MGAM2: variants seen among roughly 807,000 people sequenced by gnomAD.
MGAM2 encodes maltase-glucoamylase 2 (putative).
Under a neutral mutation model 96.1 loss-of-function variants are expected in MGAM2, and 98 were observed. The observed-to-expected ratio is 1.02, with a 90% confidence interval of 0.87 to 1.21. The LOEUF is 1.21. MGAM2 is among the 50% of genes most tolerant of loss of function. The probability of loss-of-function intolerance (pLI) is 0.00; values close to 1 mark genes in which losing one functional copy is unlikely to be tolerated. For missense variants in MGAM2, 2,055 were observed against 1,182.4 expected (o/e 1.74, Z -10.82); for synonymous variants, 749 against 414.8 (o/e 1.81, Z -9.79).
chr7:142,158,166 G>T, intron 18 of MGAM2, 75 bp downstream of exon 18: 1 of 700,524 alleles, frequency 1.4e-6, no homozygotes, highest in South Asian at 1.5e-5. Context: ...AGCAAGGTTA[G>T]TTAGGATCTT....
chr7:142,170,336 T>G, intron 27 of MGAM2, 107 bp downstream of exon 27: 1 of 522,882 alleles, frequency 1.9e-6, no homozygotes. Context: ...TGGAAATAGG[T>G]GTGCATTTGT....
At position 142,169,740 on chromosome 7, in the gene MGAM2, A is replaced by C. The variant is rs568113839; in HGVS notation, c.3028-335A>C. 3.9e-5 allele frequency among the ~76,000 whole-genome samples: 6 copies of C among 152,284 alleles called. No individual in the cohort carries two copies. In the South Asian group the frequency reaches 1.2e-3, roughly 32 times the overall value. ...TGCACACACACACACACAAATTTACACATTTCTATGCACATACATGTCTGC... is the reference window on the plus strand; with the variant it reads ...TGCACACACACACACACAAATTTACCCATTTCTATGCACATACATGTCTGC... On this transcript the variant is annotated intron_variant, in intron 26 of 47. Transcript: ENST00000477922.
intron 25 of MGAM2, among the ~76,000 whole-genome samples, chr7:142,166,566 G>A (rs2129088382): frequency 6.6e-6 from 1 of 152,240 alleles, no homozygotes; most frequent in African/African-American, 2.4e-5. Flanking sequence ...AAGCAGGAAG[G>A]GTAAGGTCAG....
At chr7:142,112,399 T>A (rs978069689) in intron 1 of MGAM2, among the ~76,000 whole-genome samples, 1 of 152,160 alleles carries the variant, frequency 6.6e-6, no homozygotes, top group Non-Finnish European at 1.5e-5. Context: ...CTGCTGCTGA[T>A]TTTTAGAAGC....
rs1450133491 is a variant in MGAM2 at position 142,161,163 on chromosome 7, A to G, written c.2384A>G (p.Tyr795Cys). Residue 795 changes from tyrosine (Y) to cysteine (C), a missense_variant, in exon 22 of 48, where the codon TAT becomes TGT. Tyr to Cys is a radical substitution (Grantham distance 194). Coordinates refer to ENST00000477922, the MANE Select transcript of MGAM2 (RefSeq NM_001293626.2). The stretch of plus-strand genomic sequence containing the variant: ...CTGGGACTCATCATCGCCTTGGACT[A>G]TAAGAGAGAAGCAAAGGGGGAGCTG... ...NSLGLIIALD[Y>C]KREAKGELYW... is the part of the protein sequence containing the mutation. The G allele has an allele frequency of 1.4e-5, 10 of 702,806 alleles. No individual in the cohort carries two copies. Among genetic ancestry groups the G allele is most frequent in the Non-Finnish European group, 2.1e-5 (8 of 384,838 alleles). 43.5% of individuals were successfully genotyped at this position (702,806 alleles called of 1,614,324 possible).
chr7:142,117,290 G>A (rs1217487578), intron 2 of MGAM2, among the ~76,000 whole-genome samples: 2 of 151,988 alleles, frequency 1.3e-5, no homozygotes, highest in East Asian at 3.9e-4. Flanking sequence ...CAATGAGAAA[G>A]GACTGTTAAG....
At chr7:142,159,258 A>T in intron 19 of MGAM2, 29 bp from the exon 20 acceptor site, 1 of 701,202 alleles carries the variant, frequency 1.4e-6, no homozygotes, top group Non-Finnish European at 2.6e-6. Flanking sequence ...GGGGTATGCT[A>T]ATGCTACTCA....
At position 142,192,726 on chromosome 7, in the gene MGAM2, C is replaced by A. The variant is rs78201351; in HGVS notation, c.4346+3221C>A. ...TCAGGGAAATTTGCTTTTCACACAT[C>A]TGCATCCCATCGCCATCTTTCTCTT... On this transcript the variant is annotated intron_variant, in intron 37 of 47. Transcript: ENST00000477922. Among the ~76,000 whole-genome samples, 728 of 152,298 alleles carry A rather than the reference C, an allele frequency of 4.8e-3. 11 individuals carry two copies. In the East Asian group the frequency reaches 0.069, roughly 15 times the overall value.
intron 33 of MGAM2, among the ~76,000 whole-genome samples, chr7:142,184,371 A>G (rs1353633988): frequency 2.0e-5 from 3 of 152,156 alleles, no homozygotes; most frequent in Admixed American, 6.6e-5. Flanking sequence ...GTTAGTAACT[A>G]TTTTAGTTTT....
chr7:142,139,440 A>G (rs1392141059), intron 10 of MGAM2, among the ~76,000 whole-genome samples: 1 of 152,020 alleles, frequency 6.6e-6, no homozygotes, highest in African/African-American at 2.4e-5. Context: ...CGGGCAGATC[A>G]CTTGAGGTCA....
intron 45 of MGAM2, among the ~76,000 whole-genome samples, chr7:142,206,510 C>A (rs1355750330): frequency 6.6e-6 from 1 of 152,082 alleles, no homozygotes; most frequent in African/African-American, 2.4e-5. Context: ...TCCTTTGATA[C>A]AGGTTTAGCT....
intron 34 of MGAM2, 101 bp downstream of exon 34, chr7:142,185,240 C>T (rs188197592): frequency 1.6e-6 from 1 of 621,804 alleles, no homozygotes; most frequent in Non-Finnish European, 2.9e-6. Context: ...GTTAAGTAGC[C>T]CTAACTTGAG....
At chr7:142,132,269 A>G (rs1247735876) in intron 6 of MGAM2, among the ~76,000 whole-genome samples, 184 bp downstream of exon 6, 1 of 150,176 alleles carries the variant, frequency 6.7e-6, no homozygotes, top group Non-Finnish European at 1.5e-5. Context: ...AACAGAGAAT[A>G]CTAAAAGGTA....
chr7:142,123,633 C>A (rs886400496), intron 3 of MGAM2, among the ~76,000 whole-genome samples: 5 of 151,856 alleles, frequency 3.3e-5, no homozygotes, highest in Admixed American at 1.3e-4. Flanking sequence ...CTGAACTGTT[C>A]ATCTTTTTTA....
At chr7:142,154,874 CTTT>C in intron 17 of MGAM2, 29 bp downstream of exon 17, 1 of 702,122 alleles carries the variant, frequency 1.4e-6, no homozygotes, top group South Asian at 1.5e-5. Context: ...GTGATGGAAA[CTTT>C]TTGGATTAGC....
intron 15 of MGAM2, among the ~76,000 whole-genome samples, chr7:142,150,972 T>C (rs13223215): frequency 0.9 from 136,802 of 152,230 alleles, 61,490 homozygotes; most frequent in East Asian, 0.96. Flanking sequence ...TAAAACCTCA[T>C]CTCCAATCTC....
At position 142,222,119 on chromosome 7, in the gene MGAM2, T is replaced by C. The variant is rs892785658; in HGVS notation, c.*60T>C. 4.8e-5 allele frequency: 19 copies of C among 397,382 alleles called. No homozygotes were observed. Among genetic ancestry groups the C allele is most frequent in the Non-Finnish European group, 7.1e-5 (16 of 225,406 alleles). The allele number at this position is 397,382 out of a possible 1,614,324, so 24.6% of individuals were successfully genotyped here. A position where few individuals can be genotyped will look rare whatever the true frequency, so the allele number is the denominator to read the frequency against. Reference sequence around the variant, plus strand: ...CGCCTACAAACAACTATTACAGATATAGAAAATCAGTTACGAGACACTCTA... The same window carrying C: ...CGCCTACAAACAACTATTACAGATACAGAAAATCAGTTACGAGACACTCTA... On this transcript the variant is annotated 3_prime_UTR_variant, in exon 48 of 48. Transcript: ENST00000477922.
At chr7:142,215,830 T>C (rs1797744743) in intron 46 of MGAM2, among the ~76,000 whole-genome samples, 1 of 151,890 alleles carries the variant, frequency 6.6e-6, no homozygotes, top group Admixed American at 6.6e-5. Flanking sequence ...ATTTTGGCTA[T>C]ATCATGTAAA....
Position 142,220,158 on chromosome 7 carries a change from C to T in MGAM2, c.5647C>T (p.Pro1883Ser), listed in dbSNP as rs1473406533. The T allele has an allele frequency of 2.8e-6, 2 of 702,622 alleles. No individual in the cohort carries two copies. The highest frequency in any genetic ancestry group is 3.0e-5 in the South Asian group (2 of 67,592). The allele number at this position is 702,622 out of a possible 1,614,324, so 43.5% of individuals were successfully genotyped here. A position where few individuals can be genotyped will look rare whatever the true frequency, so the allele number is the denominator to read the frequency against. The change falls in exon 48 of 48, where the codon CCT becomes TCT. Residue 1883 changes from proline to serine, a missense_variant. Physicochemically the swap from Pro to Ser is moderately conservative, Grantham distance 74. Coordinates refer to ENST00000477922, the MANE Select transcript of MGAM2 (RefSeq NM_001293626.2). ...TACTACTGTTCCTGATACAACTTCTCCTTTCCCTACAAGTACTACTAATGC... is the reference window on the plus strand; with the variant it reads ...TACTACTGTTCCTGATACAACTTCTTCTTTCCCTACAAGTACTACTAATGC... ...TNTTVPDTTS[P>S]FPTSTTNAST...
Sources: allele counts gnomAD v4.1 joint callset (sites outside exome capture counted in the v4.1 genomes callset), GRCh38; gene constraint gnomAD v4.1.1; transcripts MANE v1.5; gene names NCBI Gene and HGNC (gene_info 2026-07-23, HGNC 2026-07-21).